Variants in DOK5 observed in about 807,000 individuals in gnomAD.
The protein encoded by DOK5 is docking protein 5.
DOK5 carries 27 observed loss-of-function variants against 43.3 expected under a neutral mutation model. That is an observed-to-expected ratio of 0.62 (90% CI 0.46 to 0.86). The LOEUF (loss-of-function observed/expected upper bound fraction) is 0.86. Ranked by LOEUF, DOK5 falls within the 40% of genes least tolerant of loss-of-function variation. The pLI, the probability that DOK5 is intolerant of heterozygous loss-of-function variation, is 0.00. For synonymous variants in DOK5, 146 were observed against 140.1 expected (o/e 1.04, Z -0.30); for missense variants, 373 against 392.9 (o/e 0.95, Z 0.43).
intron 1 of DOK5, among the ~76,000 whole-genome samples, chr20:54,529,400 G>A (rs1983687227): frequency 6.6e-6 from 1 of 152,108 alleles, no homozygotes; most frequent in Admixed American, 6.5e-5. Context: ...AGAAGATAAT[G>A]CTGATTAGGT....
Position 54,589,925 on chromosome 20 carries a change from G to T in DOK5, c.409+1119G>T, listed in dbSNP as rs1051528224. On this transcript the variant is annotated intron_variant, in intron 4 of 7. Coordinates refer to ENST00000262593, the MANE Select transcript of DOK5 (RefSeq NM_018431.5). Reference sequence around the variant, plus strand: ...GATTGGAAAATTGAGCTACAGAGAGGTTAAGTCATTGACGGGGTTACACAA... The same window carrying T: ...GATTGGAAAATTGAGCTACAGAGAGTTTAAGTCATTGACGGGGTTACACAA... Among the ~76,000 whole-genome samples, 3 of 152,226 alleles carry T rather than the reference G, an allele frequency of 2.0e-5. No individual in the cohort carries two copies. The South Asian group carries it at 6.2e-4, about 32-fold the overall frequency.
intron 6 of DOK5, among the ~76,000 whole-genome samples, chr20:54,633,223 G>A (rs916146354): frequency 3.9e-5 from 6 of 152,156 alleles, no homozygotes; most frequent in African/African-American, 1.4e-4. Flanking sequence ...TGCTGACCCA[G>A]GGCCCAGAAA....
intron 6 of DOK5, among the ~76,000 whole-genome samples, chr20:54,616,546 G>A (rs1405453406): frequency 6.6e-6 from 1 of 152,142 alleles, no homozygotes; most frequent in Admixed American, 6.5e-5. Flanking sequence ...GCTAACTGAT[G>A]TCTATATTAC....
intron 5 of DOK5, among the ~76,000 whole-genome samples, chr20:54,607,246 GATACC>G (rs550417048): frequency 1.1e-3 from 174 of 152,292 alleles, no homozygotes; most frequent in South Asian, 5.0e-3. Flanking sequence ...CTGACTTCTG[GATACC>G]ATGCTTAGAC....
intron 2 of DOK5, among the ~76,000 whole-genome samples, chr20:54,571,494 C>A (rs1985279817): frequency 6.6e-6 from 1 of 152,214 alleles, no homozygotes; most frequent in East Asian, 1.9e-4. Flanking sequence ...GCACTGTTGA[C>A]ATTTTGGTTG....
At chr20:54,618,302 C>T (rs1986875745) in intron 6 of DOK5, among the ~76,000 whole-genome samples, 1 of 151,984 alleles carries the variant, frequency 6.6e-6, no homozygotes, top group Non-Finnish European at 1.5e-5. Context: ...TTTTAAAGCT[C>T]TTATGTCCCC....
At chr20:54,598,442 CA>C (rs779081038) in intron 5 of DOK5, among the ~76,000 whole-genome samples, 4 of 152,168 alleles carry the variant, frequency 2.6e-5, no homozygotes, top group Non-Finnish European at 5.9e-5. Context: ...CTAACTGCAG[CA>C]AAATCTCCCT....
At chr20:54,538,730 G>A (rs1984039158) in intron 1 of DOK5, among the ~76,000 whole-genome samples, 2 of 152,164 alleles carry the variant, frequency 1.3e-5, no homozygotes, top group Admixed American at 1.3e-4. Flanking sequence ...TTATCCCAGA[G>A]AAATAATGAC....
intron 6 of DOK5, among the ~76,000 whole-genome samples, chr20:54,631,269 C>G (rs1978553791): frequency 6.6e-6 from 1 of 152,134 alleles, no homozygotes; most frequent in African/African-American, 2.4e-5. Flanking sequence ...AAAAATTAGC[C>G]AGGCATAGTG....
At chr20:54,488,253 T>C (rs1982020212) in intron 1 of DOK5, among the ~76,000 whole-genome samples, 1 of 152,228 alleles carries the variant, frequency 6.6e-6, no homozygotes, top group South Asian at 2.1e-4. Flanking sequence ...TGAGATTGGA[T>C]AGCAACCCTT....
intron 7 of DOK5, among the ~76,000 whole-genome samples, chr20:54,645,655 G>C (rs1021064643): frequency 1.3e-5 from 2 of 152,014 alleles, no homozygotes; most frequent in African/African-American, 2.4e-5. Flanking sequence ...GCACTCATAA[G>C]ATGCAGATGA....
intron 1 of DOK5, among the ~76,000 whole-genome samples, chr20:54,531,352 G>A (rs889236957): frequency 6.6e-6 from 1 of 152,156 alleles, no homozygotes; most frequent in Non-Finnish European, 1.5e-5. Context: ...CTAGTTTATA[G>A]CCAGGGAAGT....
At chr20:54,476,520 T>A (rs775923318) in intron 1 of DOK5, among the ~76,000 whole-genome samples, 6 of 152,112 alleles carry the variant, frequency 3.9e-5, no homozygotes, top group Non-Finnish European at 7.3e-5. Context: ...CCCACCTCTG[T>A]CCCAGGTGTC....
intron 1 of DOK5, among the ~76,000 whole-genome samples, chr20:54,545,222 A>G (rs569108879): frequency 6.6e-6 from 1 of 152,330 alleles, no homozygotes; most frequent in South Asian, 2.1e-4. Context: ...TATATTGCAG[A>G]AGGAGAAATT....
intron 5 of DOK5, among the ~76,000 whole-genome samples, chr20:54,601,911 T>A (rs1001927131): frequency 6.6e-6 from 1 of 152,238 alleles, no homozygotes; most frequent in African/African-American, 2.4e-5. Flanking sequence ...TCCAAATTCA[T>A]ATTTTCATTC....
chr20:54,615,891 C>T (rs1174362759), intron 6 of DOK5, among the ~76,000 whole-genome samples: 1 of 130,616 alleles, frequency 7.7e-6, no homozygotes. Context: ...CAGAGCGAGA[C>T]TCCATCTCAA....
At chr20:54,527,156 A>G (rs1315777684) in intron 1 of DOK5, among the ~76,000 whole-genome samples, 1 of 152,202 alleles carries the variant, frequency 6.6e-6, no homozygotes, top group East Asian at 1.9e-4. Flanking sequence ...TGAATGATAT[A>G]TGGGGTCTGT....
chr20:54,494,134 T>G (rs1600660420), intron 1 of DOK5, among the ~76,000 whole-genome samples: 1 of 152,304 alleles, frequency 6.6e-6, no homozygotes, highest in South Asian at 2.1e-4. Context: ...GCTTTTTCCC[T>G]TATATTAAAT....
chr20:54,499,971 G>C (rs961199486), intron 1 of DOK5, among the ~76,000 whole-genome samples: 1 of 152,136 alleles, frequency 6.6e-6, no homozygotes, highest in African/African-American at 2.4e-5. Context: ...GCCAATCCTT[G>C]TAATTTTAAT....
Sources: gnomAD v4.1 joint callset for allele counts (sites outside exome capture counted in the v4.1 genomes callset) on GRCh38, gnomAD v4.1.1 for gene constraint, MANE v1.5 for transcripts, NCBI Gene and HGNC (gene_info 2026-07-23, HGNC 2026-07-21) for gene names.